Variants in NFE2L3 observed in about 807,000 individuals in gnomAD.
NFE2L3 encodes the protein NFE2 like bZIP transcription factor 3, also known as nuclear factor erythroid 2-related factor 3.
A neutral mutation model predicts 23.5 loss-of-function variants in NFE2L3; 18 were observed. That is an observed-to-expected ratio of 0.77 (90% CI 0.53 to 1.13). The LOEUF (loss-of-function observed/expected upper bound fraction) is 1.13, where lower values mean the gene tolerates loss of function less well. Ranked by LOEUF, NFE2L3 falls within the 50% of genes most tolerant of loss-of-function variation. NFE2L3 has a pLI of 0.00. For synonymous variants in NFE2L3, 424 were observed against 354.5 expected (o/e 1.20, Z -2.20); for missense variants, 1,152 against 877.2 (o/e 1.31, Z -3.96).
rs770947336 is a variant in NFE2L3 at position 26,152,526 on chromosome 7, G to C, written c.28G>C (p.Ala10Pro). 7.1e-7 allele frequency: 1 copy of C among 1,417,866 alleles called. No homozygotes were observed. The highest frequency in any genetic ancestry group is 1.6e-5 in the South Asian group (1 of 62,872). 87.8% of individuals were successfully genotyped at this position (1,417,866 alleles called of 1,614,324 possible). The change falls in exon 1 of 4, where the codon GCC becomes CCC. Residue 10 changes from alanine to proline, a missense_variant. By Grantham distance (27) the Ala-to-Pro change is conservative (BLOSUM62 -1). Coordinates refer to ENST00000056233, the MANE Select transcript of NFE2L3 (RefSeq NM_004289.7). This position sits in a 1 kb window ranked among gnomAD's most constrained non-coding sequence, Gnocchi z 4.4. MKHLKRWWS[A>P]GGGLLHLTLL... ...GAAGCACCTGAAGCGGTGGTGGTCG[G>C]CCGGCGGCGGCCTCCTGCACCTCAC...
At chr7:26,170,675 A>T (rs1224310238) in intron 1 of NFE2L3, among the ~76,000 whole-genome samples, 1 of 152,242 alleles carries the variant, frequency 6.6e-6, no homozygotes, top group Admixed American at 6.5e-5. Context: ...TCTTTCAAAT[A>T]TTCCAAGTAT....
chr7:26,182,426 C>T (rs546867571), intron 2 of NFE2L3, among the ~76,000 whole-genome samples: 1 of 145,646 alleles, frequency 6.9e-6, no homozygotes, highest in South Asian at 2.1e-4. Flanking sequence ...TAGTTCAAGA[C>T]AAGCCTGGCC....
At chr7:26,179,679 C>T (rs535433543) in intron 2 of NFE2L3, among the ~76,000 whole-genome samples, 22 of 150,998 alleles carry the variant, frequency 1.5e-4, no homozygotes, top group African/African-American at 4.4e-4. Flanking sequence ...GCACTTCAGA[C>T]GGGGTGACAG....
intron 2 of NFE2L3, among the ~76,000 whole-genome samples, chr7:26,180,257 G>A (rs1437470267): frequency 6.6e-6 from 1 of 152,076 alleles, no homozygotes; most frequent in Non-Finnish European, 1.5e-5. Flanking sequence ...TGAAGGGGAG[G>A]GGGTAGAGAG....
intron 2 of NFE2L3, among the ~76,000 whole-genome samples, chr7:26,178,915 CAGAATGTGGAGTTT>C (rs1784461216): frequency 6.6e-6 from 1 of 152,078 alleles, no homozygotes; most frequent in South Asian, 2.1e-4. Context: ...GTCCCCTTCC[CAGAATGTGGAGTTT>C]AGGGCTGTGT....
intron 2 of NFE2L3, among the ~76,000 whole-genome samples, chr7:26,183,441 C>T (rs1419230725): frequency 1.4e-5 from 2 of 143,676 alleles, no homozygotes; most frequent in African/African-American, 5.1e-5. Flanking sequence ...CCAGCTACTC[C>T]GGAGGCTAAG....
intron 2 of NFE2L3, among the ~76,000 whole-genome samples, chr7:26,180,441 T>C (rs1326293152): frequency 6.6e-6 from 1 of 152,238 alleles, no homozygotes; most frequent in Non-Finnish European, 1.5e-5. Context: ...TGTATGGTTT[T>C]ACCACTCTCC....
intron 1 of NFE2L3, among the ~76,000 whole-genome samples, chr7:26,157,867 G>T (rs972178589): frequency 3.9e-5 from 6 of 152,176 alleles, no homozygotes; most frequent in Non-Finnish European, 7.3e-5. Flanking sequence ...CCTTCTGCGG[G>T]CTGTGAGGGA....
chr7:26,152,427 C>A lies in NFE2L3; in HGVS notation c.-72C>A, dbSNP rs1055881753. On this transcript the variant is annotated 5_prime_UTR_variant, in exon 1 of 4. Transcript: ENST00000056233. This position sits in a 1 kb window ranked among gnomAD's most constrained non-coding sequence, Gnocchi z 4.4. ...GTGCGGGCGGCGCGCGGGGTCCGCACGTGTCACCCCGGCGGCTGGGGCGCC... is the reference window on the plus strand; with the variant it reads ...GTGCGGGCGGCGCGCGGGGTCCGCAAGTGTCACCCCGGCGGCTGGGGCGCC... 201 of 1,100,682 alleles carry A rather than the reference C, an allele frequency of 1.8e-4. No individual in the cohort carries two copies. The highest frequency in any genetic ancestry group is 2.1e-4 in the Non-Finnish European group (187 of 876,024). The allele number at this position is 1,100,682 out of a possible 1,614,324, so 68.2% of individuals were successfully genotyped here.
intron 1 of NFE2L3, among the ~76,000 whole-genome samples, chr7:26,158,026 T>C (rs1784108735): frequency 6.7e-6 from 1 of 149,338 alleles, no homozygotes; most frequent in Non-Finnish European, 1.5e-5. Context: ...TTCCCTTTTT[T>C]GTTGTTGGGG....
At chr7:26,184,040 T>C (rs2128100531) in intron 3 of NFE2L3, 1 of 488,582 alleles carries the variant, frequency 2.0e-6, no homozygotes, top group Non-Finnish European at 3.6e-6. Flanking sequence ...TTATCAGGTA[T>C]TTATCCAAAG....
Position 26,176,012 on chromosome 7 carries a change from C to T in NFE2L3, c.571-1931C>T, listed in dbSNP as rs547783139. 1.3e-3 allele frequency among the ~76,000 whole-genome samples: 191 copies of T among 151,840 alleles called. 1 individual carries two copies. Among genetic ancestry groups the T allele is most frequent in the African/African-American group, 2.6e-3 (108 of 41,442 alleles). On this transcript the variant is annotated intron_variant, in intron 1 of 3. Transcript: ENST00000056233. ...CCTAGGCAGAGGTCCCTGTGGCCTTCCGCAGTGTTTGTGTCCCTGGGTACT... is the reference window on the plus strand; with the variant it reads ...CCTAGGCAGAGGTCCCTGTGGCCTTTCGCAGTGTTTGTGTCCCTGGGTACT...
chr7:26,164,393 TTC>T (rs1784216637), intron 1 of NFE2L3, among the ~76,000 whole-genome samples: 1 of 152,260 alleles, frequency 6.6e-6, no homozygotes, highest in South Asian at 2.1e-4. Context: ...TGATCTGTAT[TTC>T]TCTGATGGCC....
At chr7:26,155,065 T>A (rs1784061132) in intron 1 of NFE2L3, among the ~76,000 whole-genome samples, 1 of 152,242 alleles carries the variant, frequency 6.6e-6, no homozygotes, top group African/African-American at 2.4e-5. Context: ...TCCTTACAGT[T>A]GTCACGGCCA....
intron 1 of NFE2L3, among the ~76,000 whole-genome samples, chr7:26,169,589 T>C (rs1386407010): frequency 6.6e-6 from 1 of 152,226 alleles, no homozygotes; most frequent in African/African-American, 2.4e-5. Flanking sequence ...CATCTCCCCA[T>C]GCATCCCACT....
intron 1 of NFE2L3, among the ~76,000 whole-genome samples, chr7:26,161,421 A>C (rs1342358491): frequency 7.2e-6 from 1 of 139,794 alleles, no homozygotes; most frequent in Non-Finnish European, 1.5e-5. Context: ...CAGTGACAAA[A>C]TGAGAGCCTC....
chr7:26,152,527 C>T lies in NFE2L3; in HGVS notation c.29C>T (p.Ala10Val). 3 of 1,418,700 alleles carry T rather than the reference C, an allele frequency of 2.1e-6. No homozygotes were observed. The highest frequency in any genetic ancestry group is 3.2e-5 in the South Asian group (2 of 62,952). The allele number at this position is 1,418,700 out of a possible 1,614,324, so 87.9% of individuals were successfully genotyped here. A position where few individuals can be genotyped will look rare whatever the true frequency, so the allele number is the denominator to read the frequency against. ...AAGCACCTGAAGCGGTGGTGGTCGG[C>T]CGGCGGCGGCCTCCTGCACCTCACC... Reference protein sequence around the residue: MKHLKRWWSAGGGLLHLTLL... With the variant: MKHLKRWWSVGGGLLHLTLL... Residue 10 changes from alanine to valine, a missense_variant, in exon 1 of 4, where the codon GCC becomes GTC. Ala to Val is a moderately conservative substitution (Grantham distance 64). Transcript: ENST00000056233. This position sits in a 1 kb window ranked among gnomAD's most constrained non-coding sequence, Gnocchi z 4.4.
At position 26,152,804 on chromosome 7, in the gene NFE2L3, C is replaced by T. The variant is rs1784018030; in HGVS notation, c.306C>T (p.Phe102=). ...AGGTGCGCGCGCTCGGGGTCCCCTT[C>T]GTCCCTCGCACCAGCGTGGATGCAT... is the stretch of plus-strand genomic sequence containing the variant. ...LREVRALGVP[F]VPRTSVDAWL... Residue 102 remains phenylalanine, a synonymous_variant, in exon 1 of 4, where the codon TTC becomes TTT. Transcript: ENST00000056233. This position sits in a 1 kb window ranked among gnomAD's most constrained non-coding sequence, Gnocchi z 4.4. The T allele has an allele frequency of 6.7e-7, 1 of 1,487,846 alleles. No individual in the cohort carries two copies. Among genetic ancestry groups the T allele is most frequent in the Admixed American group, 2.2e-5 (1 of 44,632 alleles). The allele number at this position is 1,487,846 out of a possible 1,614,324, so 92.2% of individuals were successfully genotyped here.
intron 2 of NFE2L3, among the ~76,000 whole-genome samples, chr7:26,180,554 C>T (rs916699955): frequency 1.1e-4 from 17 of 152,218 alleles, no homozygotes; most frequent in South Asian, 4.1e-4. Context: ...TTTCTGCCCA[C>T]TTCCCTGAGT....
Sources: gnomAD v4.1 joint callset for allele counts (sites outside exome capture counted in the v4.1 genomes callset) on GRCh38, gnomAD v4.1.1 for gene constraint, Gnocchi (gnomAD v3.1) non-coding constraint, MANE v1.5 for transcripts, NCBI Gene and HGNC (gene_info 2026-07-23, HGNC 2026-07-21) for gene names.